The following PRKAR1A variants were observed in gnomAD, a reference collection of about 807,000 sequenced individuals.
PRKAR1A encodes the protein protein kinase cAMP-dependent type I regulatory subunit alpha, also known as cAMP-dependent protein kinase type I-alpha regulatory subunit.
Under a neutral mutation model 52.0 loss-of-function variants are expected in PRKAR1A, and 3 were observed. The ratio of observed to expected loss-of-function variants is 0.06; its 90% CI spans 0.03 to 0.15. The LOEUF (loss-of-function observed/expected upper bound fraction) is 0.15. PRKAR1A is among the 10% of genes least tolerant of loss of function. The pLI, the probability that PRKAR1A is intolerant of heterozygous loss-of-function variation, is 1.00. For synonymous variants in PRKAR1A, 188 were observed against 168.4 expected, an observed-to-expected ratio of 1.12 and a Z score of -0.90; for missense variants, 240 against 477.4, an observed-to-expected ratio of 0.50 and a Z score of 4.63.
At chr17:68,528,527 CTA>C (rs1193528660) in intron 8 of PRKAR1A, 1 of 252,146 alleles carries the variant, frequency 4.0e-6, no homozygotes, top group African/African-American at 2.2e-5. Flanking sequence ...GATGGGGAAA[CTA>C]TGACTTTTGA....
chr17:68,430,906 G>A, the PRKAR1A span, among the ~76,000 whole-genome samples: 4 of 152,304 alleles, frequency 2.6e-5, no homozygotes, highest in East Asian at 5.8e-4. Flanking sequence ...TGGGAAGCTC[G>A]CCCTGCAGCT....
At chr17:68,453,724 C>A in the PRKAR1A span, among the ~76,000 whole-genome samples, 1 of 152,178 alleles carries the variant, frequency 6.6e-6, no homozygotes, top group Non-Finnish European at 1.5e-5. Flanking sequence ...AGTAATCCAC[C>A]TGCCTCGGCC....
the PRKAR1A span, among the ~76,000 whole-genome samples, chr17:68,432,544 G>T: frequency 6.6e-6 from 1 of 152,096 alleles, no homozygotes. Context: ...GTCCGCATGT[G>T]TCAGCATTGA....
Position 68,530,365 on chromosome 17 carries a change from A to G in PRKAR1A, c.1062A>G (p.Arg354=), listed in dbSNP as rs763228564. 3 of 1,614,084 alleles carry G rather than the reference A, an allele frequency of 1.9e-6. No individual in the cohort carries two copies. In the East Asian group the frequency reaches 6.7e-5, roughly 36 times the overall value. ...PLKCVKLDRP[R]FERVLGPCSD... is the part of the protein sequence containing the mutation. ...AGTGCGTTAAGCTGGACCGACCTAGATTTGAACGTGTTCTTGGCCCATGCT... is the reference window on the plus strand; with the variant it reads ...AGTGCGTTAAGCTGGACCGACCTAGGTTTGAACGTGTTCTTGGCCCATGCT... Residue 354 remains arginine (R), a synonymous_variant, in exon 11 of 11, where the codon AGA becomes AGG. Coordinates refer to ENST00000589228, the MANE Select transcript of PRKAR1A (RefSeq NM_002734.5).
the PRKAR1A span, among the ~76,000 whole-genome samples, chr17:68,447,396 T>C: frequency 6.6e-6 from 1 of 152,192 alleles, no homozygotes; most frequent in Non-Finnish European, 1.5e-5. Flanking sequence ...TTTTATTTTT[T>C]ATAGAGACAG....
chr17:68,493,471 T>G, the PRKAR1A span, among the ~76,000 whole-genome samples: 16 of 152,140 alleles, frequency 1.1e-4, no homozygotes, highest in African/African-American at 3.6e-4. Context: ...CCCCCGCACG[T>G]GTTCTTACTT....
intron 9 of PRKAR1A, 134 bp from the exon 10 acceptor site, chr17:68,529,786 G>A (rs2085910122): frequency 1.2e-5 from 10 of 854,324 alleles, no homozygotes; most frequent in Admixed American, 1.8e-5. Context: ...AAGCTCATGT[G>A]GTGACTAACT....
chr17:68,452,963 T>C, the PRKAR1A span: 5 of 1,613,966 alleles, frequency 3.1e-6, no homozygotes, highest in Non-Finnish European at 4.2e-6. Context: ...AAACAGCTTA[T>C]ACCCGGCTTT....
At chr17:68,519,911 G>T (rs1267036884) in intron 2 of PRKAR1A, among the ~76,000 whole-genome samples, 1 of 152,228 alleles carries the variant, frequency 6.6e-6, no homozygotes, top group Non-Finnish European at 1.5e-5. Flanking sequence ...AGACATAGCA[G>T]TAAAACTGAG....
At chr17:68,471,803 T>A in the PRKAR1A span, among the ~76,000 whole-genome samples, 1 of 152,218 alleles carries the variant, frequency 6.6e-6, no homozygotes, top group Non-Finnish European at 1.5e-5. Flanking sequence ...TGGCCTAGTT[T>A]CTTTTCTTTT....
chr17:68,472,897 A>G, the PRKAR1A span, among the ~76,000 whole-genome samples: 1 of 152,140 alleles, frequency 6.6e-6, no homozygotes, highest in African/African-American at 2.4e-5. Context: ...GTGAGCCAAG[A>G]TCATGCCACT....
rs2085958961 is a variant in PRKAR1A at position 68,530,956 on chromosome 17, T to C, written c.*507T>C. 1 of 1,085,724 alleles carries C rather than the reference T, an allele frequency of 9.2e-7. No homozygotes were observed. Among genetic ancestry groups the C allele is most frequent in the Non-Finnish European group, 1.1e-6 (1 of 890,004 alleles). The allele number at this position is 1,085,724 out of a possible 1,614,324, so 67.3% of individuals were successfully genotyped here. On this transcript the variant is annotated 3_prime_UTR_variant, in exon 11 of 11. Transcript: ENST00000589228. ...AGTATAGTAGAAAGACATCTGCCTG[T>C]AATTAAACTAGTTTAAGGGTGGAAA...
the PRKAR1A span, among the ~76,000 whole-genome samples, chr17:68,442,818 CTG>C: frequency 6.6e-6 from 1 of 152,200 alleles, no homozygotes; most frequent in Non-Finnish European, 1.5e-5. Context: ...GCTGGCGCAC[CTG>C]TCTCAGACCA....
chr17:68,544,450 G>C (rs1317976928), intron 11 of PRKAR1A, among the ~76,000 whole-genome samples: 1 of 152,156 alleles, frequency 6.6e-6, no homozygotes, highest in African/African-American at 2.4e-5. Context: ...CCTCTAGGCT[G>C]ACTTTGCCTC....
chr17:68,470,675 T>C, the PRKAR1A span, among the ~76,000 whole-genome samples: 1 of 152,224 alleles, frequency 6.6e-6, no homozygotes, highest in African/African-American at 2.4e-5. Flanking sequence ...TTCGTTGCTT[T>C]TATACAGACA....
chr17:68,455,379 A>C, the PRKAR1A span, among the ~76,000 whole-genome samples: 1 of 151,670 alleles, frequency 6.6e-6, no homozygotes, highest in Admixed American at 6.6e-5. Flanking sequence ...AAAAAAAAAA[A>C]AGTACCCAAA....
the PRKAR1A span, among the ~76,000 whole-genome samples, chr17:68,488,143 C>T: frequency 6.6e-6 from 1 of 151,968 alleles, no homozygotes; most frequent in Admixed American, 6.5e-5. Flanking sequence ...GGGCAGTGAG[C>T]CCTGAGGCTG....
At chr17:68,452,472 G>A in the PRKAR1A span, among the ~76,000 whole-genome samples, 2 of 152,176 alleles carry the variant, frequency 1.3e-5, no homozygotes, top group Non-Finnish European at 2.9e-5. Context: ...GGCTGAGGCA[G>A]GAGAATCACT....
Position 68,514,963 on chromosome 17 carries a change from G to T in PRKAR1A, c.-6-431G>T, listed in dbSNP as rs964773076. ...TAGGGAATGTCAGATATTCTTCATT[G>T]TGCTGACTTGCTTTCGCTTACAGTT... On this transcript the variant is annotated intron_variant, in intron 1 of 10. Transcript: ENST00000589228. 1.1e-4 allele frequency: 29 copies of T among 261,338 alleles called. No homozygotes were observed. In the Admixed American group the frequency reaches 1.1e-3, roughly 10 times the overall value. The allele number at this position is 261,338 out of a possible 1,614,324, so 16.2% of individuals were successfully genotyped here.
Sources: allele counts gnomAD v4.1 joint callset (sites outside exome capture counted in the v4.1 genomes callset), GRCh38; gene constraint gnomAD v4.1.1; transcripts MANE v1.5; gene names NCBI Gene and HGNC (gene_info 2026-07-23, HGNC 2026-07-21).